Variants in PTPRC observed in about 807,000 individuals in gnomAD.
PTPRC encodes the protein protein tyrosine phosphatase receptor type C, also known as receptor-type tyrosine-protein phosphatase C.
In PTPRC, 44 loss-of-function variants were observed where a neutral mutation model predicts 155.9. The observed-to-expected ratio is 0.28, with a 90% CI of 0.22 to 0.36. PTPRC has a LOEUF of 0.36. PTPRC is among the 10% of genes least tolerant of loss of function. PTPRC has a pLI of 1.00. For missense variants in PTPRC, 1,401 were observed against 1,564.6 expected (o/e 0.90, Z 1.76); for synonymous variants, 525 against 533.1 (o/e 0.98, Z 0.21).
chr1:198,643,733 A>G (rs111462617), intron 2 of PTPRC, among the ~76,000 whole-genome samples: 38 of 151,984 alleles, frequency 2.5e-4, no homozygotes, highest in African/African-American at 8.9e-4. Flanking sequence ...AGATACACAT[A>G]CCCATAGGAG....
At chr1:198,663,314 C>T (rs1664090205) in intron 2 of PTPRC, among the ~76,000 whole-genome samples, 2 of 152,170 alleles carry the variant, frequency 1.3e-5, no homozygotes, top group Admixed American at 1.3e-4. Flanking sequence ...TAATAATAGT[C>T]TTTAACTTTT....
chr1:198,735,304 T>A (rs771536650), intron 23 of PTPRC, 52 bp downstream of exon 23: 7 of 1,399,102 alleles, frequency 5.0e-6, no homozygotes, highest in African/African-American at 1.5e-5. Flanking sequence ...TATAAAAATA[T>A]AATTATGGAA....
intron 17 of PTPRC, 107 bp downstream of exon 17, chr1:198,729,278 G>A: frequency 7.6e-7 from 1 of 1,310,388 alleles, no homozygotes; most frequent in Non-Finnish European, 1.0e-6. Flanking sequence ...GTCTCATTCT[G>A]TCTCCCAGGC....
intron 2 of PTPRC, among the ~76,000 whole-genome samples, chr1:198,671,736 A>G (rs1664660171): frequency 6.6e-6 from 1 of 152,178 alleles, no homozygotes; most frequent in African/African-American, 2.4e-5. Flanking sequence ...TATTTCCTGT[A>G]TTGGTGAATT....
At position 198,699,549 on chromosome 1, in the gene PTPRC, A is replaced by G. The variant is rs1431430043; in HGVS notation, c.299-15A>G. 6.2e-7 allele frequency: 1 copy of G among 1,613,962 alleles called. No individual in the cohort carries two copies. The highest frequency in any genetic ancestry group is 8.5e-7 in the Non-Finnish European group (1 of 1,179,942). On this transcript the variant is annotated splice_polypyrimidine_tract_variant and intron_variant, in intron 4 of 32. Transcript: ENST00000442510. Reference sequence around the variant, plus strand: ...GGGGGAAGACTGATGTAATGATCTCACTTTCCTACCTTAGGTGTTTCATCA... The same window carrying G: ...GGGGGAAGACTGATGTAATGATCTCGCTTTCCTACCTTAGGTGTTTCATCA...
chr1:198,653,293 A>G (rs1663355122), intron 2 of PTPRC, among the ~76,000 whole-genome samples: 1 of 151,922 alleles, frequency 6.6e-6, no homozygotes, highest in Non-Finnish European at 1.5e-5. Flanking sequence ...CACTTCATTA[A>G]GTGTAACAAA....
Position 198,716,784 on chromosome 1 carries a change from CA to C in PTPRC, c.1398del (p.Val467CysfsTer25). On this transcript the variant is annotated frameshift_variant, in exon 13 of 33. Transcript: ENST00000442510. LOFTEE classifies it high-confidence loss of function. Reference protein sequence around the residue: ...YVLSLHAYIIAKVQRNGSAAM... With the variant: ...YVLSLHAYIIXKVQRNGSAAM... ...TTATCATTACATGCCTACATCATTG[CA>C]AAAGTGCAACGTAATGGAAGTGCTG... The C allele has an allele frequency of 6.2e-7, 1 of 1,613,516 alleles. No homozygotes were observed. Among genetic ancestry groups the C allele is most frequent in the Non-Finnish European group, 8.5e-7 (1 of 1,179,926 alleles).
Position 198,750,482 on chromosome 1 carries a change from G to A in PTPRC, c.3073-10G>A, listed in dbSNP as rs1263246843. The A allele has an allele frequency of 6.2e-7, 1 of 1,609,734 alleles. No homozygotes were observed. On this transcript the variant is annotated splice_polypyrimidine_tract_variant and intron_variant, in intron 28 of 32. Coordinates refer to ENST00000442510, the MANE Select transcript of PTPRC (RefSeq NM_002838.5). ...AGTAACGAAGTCCCACCCTTTTTTT[G>A]TCTAAAAAGAGCTACTGGAAACCTG...
At chr1:198,754,467 CCT>C in intron 32 of PTPRC, 63 bp downstream of exon 32, 1 of 1,575,998 alleles carries the variant, frequency 6.3e-7, no homozygotes, top group African/African-American at 1.4e-5. Flanking sequence ...TTGACGGTTT[CCT>C]TTTTTCTTTT....
At chr1:198,640,528 T>A (rs957772254) in intron 2 of PTPRC, among the ~76,000 whole-genome samples, 1 of 151,966 alleles carries the variant, frequency 6.6e-6, no homozygotes, top group African/African-American at 2.4e-5. Context: ...CAAAGGTGAA[T>A]TTTTTAAAAA....
intron 15 of PTPRC, among the ~76,000 whole-genome samples, chr1:198,724,671 C>T (rs1371856393): frequency 1.4e-5 from 2 of 146,572 alleles, no homozygotes; most frequent in Non-Finnish European, 3.0e-5. Context: ...CTAATTCCAT[C>T]CTGATTCTCT....
rs371294512 is a variant in PTPRC at position 198,649,137 on chromosome 1, CAA to C, written c.73+9804_73+9805del. ...AAACTTTGAGGAGACTAAAACAAAA[CAA>C]AAAAAAATTATTGTTTGGTTCATTT... On this transcript the variant is annotated intron_variant, in intron 2 of 32. Transcript: ENST00000442510. 2.7e-5 allele frequency among the ~76,000 whole-genome samples: 4 copies of C among 150,520 alleles called. No homozygotes were observed. In the East Asian group the frequency reaches 5.9e-4, roughly 22 times the overall value.
Position 198,709,798 on chromosome 1 carries a change from G to C in PTPRC, c.1145G>C (p.Ser382Thr). Residue 382 changes from serine to threonine, a missense_variant, in exon 11 of 33, where the codon AGT (serine) becomes ACT (threonine). Around this residue, in one of 3 missense-constraint regions of PTPRC, gnomAD observed 867 missense variants for 970.4 expected, o/e 0.89. Transcript: ENST00000442510. Reference protein sequence around the residue: ...LYNNHKFTNASKIIKTDFGSP... With the variant: ...LYNNHKFTNATKIIKTDFGSP... ...AATAACCACAAGTTTACTAACGCAA[G>C]TAAAATTATTAAAACAGATTTTGGG... is the stretch of plus-strand genomic sequence containing the variant. 6.2e-7 allele frequency: 1 copy of C among 1,612,438 alleles called. No individual in the cohort carries two copies. Among genetic ancestry groups the C allele is most frequent in the Non-Finnish European group, 8.5e-7 (1 of 1,179,182 alleles).
chr1:198,736,374 T>C (rs555108687), intron 23 of PTPRC, among the ~76,000 whole-genome samples: 14 of 151,798 alleles, frequency 9.2e-5, no homozygotes, highest in Non-Finnish European at 1.6e-4. Context: ...ATCATTCTAC[T>C]CTGTATATCC....
chr1:198,734,824 TA>T (rs1167827780), intron 22 of PTPRC, among the ~76,000 whole-genome samples: 1 of 151,698 alleles, frequency 6.6e-6, no homozygotes, highest in Non-Finnish European at 1.5e-5. Flanking sequence ...TCCCCCTACC[TA>T]AAATTAACCA....
chr1:198,712,841 G>T (rs1653381260), intron 11 of PTPRC, 112 bp from the exon 12 acceptor site: 4 of 1,197,346 alleles, frequency 3.3e-6, no homozygotes, highest in Non-Finnish European at 4.9e-6. Context: ...ATTTTATTTT[G>T]AATTCATCAT....
At chr1:198,714,307 T>C (rs919164482) in intron 12 of PTPRC, among the ~76,000 whole-genome samples, 2 of 152,190 alleles carry the variant, frequency 1.3e-5, no homozygotes, top group African/African-American at 4.8e-5. Context: ...GTAGACATTT[T>C]ATGCATTTAT....
chr1:198,705,623 G>A (rs184606912), intron 8 of PTPRC, among the ~76,000 whole-genome samples: 3 of 151,812 alleles, frequency 2.0e-5, no homozygotes, highest in Middle Eastern at 3.4e-3. Flanking sequence ...GATTCACCAT[G>A]TTGCCCACGC....
intron 2 of PTPRC, among the ~76,000 whole-genome samples, chr1:198,642,370 G>GCCTATCTATCTA (rs1662640528): frequency 6.6e-6 from 1 of 150,442 alleles, no homozygotes; most frequent in Non-Finnish European, 1.5e-5. Context: ...CTATCTATCT[G>GCCTATCTATCTA]TCTATCTATC....
Sources: allele counts gnomAD v4.1 joint callset (sites outside exome capture counted in the v4.1 genomes callset), GRCh38; gene constraint gnomAD v4.1.1; regional missense constraint gnomAD v4.1.1; transcripts MANE v1.5; gene names NCBI Gene and HGNC (gene_info 2026-07-23, HGNC 2026-07-21).